ESD: variants seen among roughly 807,000 people sequenced by gnomAD.
ESD encodes esterase D.
A neutral mutation model predicts 38.1 loss-of-function variants in ESD; 34 were observed. The ratio of observed to expected loss-of-function variants is 0.89; its 90% CI spans 0.68 to 1.19. ESD has a LOEUF of 1.19. Ranked by LOEUF, ESD falls within the 50% of genes most tolerant of loss-of-function variation. The pLI is 0.00. For missense variants in ESD, 334 were observed against 327.2 expected (o/e 1.02, Z -0.16); for synonymous variants, 97 against 107.0 (o/e 0.91, Z 0.58).
chr13:46,787,120 CA>C lies in ESD; in HGVS notation c.69-12del. On this transcript the variant is annotated splice_polypyrimidine_tract_variant and intron_variant, in intron 3 of 9. Coordinates refer to ENST00000378720, the MANE Select transcript of ESD (RefSeq NM_001984.2). ...CAGTTTAGTTCAACACTAGTTTTAA[CA>C]AAAACAACAACAAAATATTAATGCC... 1 of 1,474,460 alleles carries C rather than the reference CA, an allele frequency of 6.8e-7. No individual in the cohort carries two copies. The highest frequency in any genetic ancestry group is 1.3e-5 in the South Asian group (1 of 78,010). The allele number at this position is 1,474,460 out of a possible 1,614,324, so 91.3% of individuals were successfully genotyped here.
At chr13:46,793,774 T>C (rs1047094093) in intron 1 of ESD, among the ~76,000 whole-genome samples, 1 of 152,190 alleles carries the variant, frequency 6.6e-6, no homozygotes, top group Non-Finnish European at 1.5e-5. Flanking sequence ...AAGCATGAGA[T>C]GTAGTCAACT....
intron 3 of ESD, among the ~76,000 whole-genome samples, chr13:46,789,002 G>C (rs1391555837): frequency 6.6e-6 from 1 of 152,064 alleles, no homozygotes; most frequent in African/African-American, 2.4e-5. Context: ...ACAGCTTCTG[G>C]TCATGTGACT....
chr13:46,771,421 C>A lies in ESD; in HGVS notation c.844G>T (p.Ala282Ser). 6.3e-7 allele frequency: 1 copy of A among 1,591,584 alleles called. No individual in the cohort carries two copies. The highest frequency in any genetic ancestry group is 8.6e-7 in the Non-Finnish European group (1 of 1,164,700). ...HIRHHAKYLNA is the reference protein window; with the variant it reads ...HIRHHAKYLNS ...TTCTCTTATTTGGAGTTTTTTCATGCATTCAGGTATTTAGCATGATGTCTG... is the reference window on the plus strand; with the variant it reads ...TTCTCTTATTTGGAGTTTTTTCATGAATTCAGGTATTTAGCATGATGTCTG... Residue 282 changes from alanine (A) to serine (S), a missense_variant, in exon 10 of 10, where the codon GCA becomes TCA. By Grantham distance (99) the Ala-to-Ser change is moderately conservative (BLOSUM62 1). Transcript: ENST00000378720.
chr13:46,795,790 T>A (rs1310565763), intron 1 of ESD, among the ~76,000 whole-genome samples: 3 of 151,524 alleles, frequency 2.0e-5, no homozygotes, highest in African/African-American at 4.9e-5. Flanking sequence ...TCAAACTCTG[T>A]GGCCCAGATT....
intron 9 of ESD, chr13:46,775,649 G>A (rs974390989): frequency 2.8e-5 from 13 of 470,492 alleles, no homozygotes; most frequent in African/African-American, 6.0e-5. Context: ...GAATCTCAAC[G>A]AAATCCGCTT....
At chr13:46,789,063 A>C (rs1198932760) in intron 3 of ESD, among the ~76,000 whole-genome samples, 1 of 152,158 alleles carries the variant, frequency 6.6e-6, no homozygotes, top group Non-Finnish European at 1.5e-5. Flanking sequence ...TTAATTAGCT[A>C]ATTTGATGTA....
At chr13:46,785,969 T>A (rs958127012) in intron 4 of ESD, among the ~76,000 whole-genome samples, 2 of 151,948 alleles carry the variant, frequency 1.3e-5, no homozygotes, top group African/African-American at 4.8e-5. Flanking sequence ...GTCAGAAAAC[T>A]TGTTCAACTC....
rs538411584 is a variant in ESD at position 46,773,569 on chromosome 13, G to A, written c.769-2073C>T. On this transcript the variant is annotated intron_variant, in intron 9 of 9. Transcript: ENST00000378720. ...TAGAGCTAATAAAAATATCACTGAC[G>A]CTTCAGAGAACAAGGAAATCCCCAA... 7.2e-5 allele frequency among the ~76,000 whole-genome samples: 11 copies of A among 152,294 alleles called. No homozygotes were observed. In the East Asian group the frequency reaches 1.7e-3, roughly 24 times the overall value.
chr13:46,777,307 G>T, intron 9 of ESD, 149 bp downstream of exon 9: 1 of 483,964 alleles, frequency 2.1e-6, no homozygotes, highest in Non-Finnish European at 3.5e-6. Flanking sequence ...AATTTTATAG[G>T]CAGGTTTTCA....
At chr13:46,793,991 T>C (rs1009226809) in intron 1 of ESD, among the ~76,000 whole-genome samples, 10 of 152,086 alleles carry the variant, frequency 6.6e-5, no homozygotes, top group Non-Finnish European at 1.3e-4. Context: ...GAAAAATATA[T>C]ATGGAAACTT....
intron 3 of ESD, 148 bp downstream of exon 3, chr13:46,791,198 A>ATTG: frequency 3.4e-6 from 2 of 582,068 alleles, no homozygotes; most frequent in Non-Finnish European, 6.0e-6. Context: ...GTCTGGTAGA[A>ATTG]TTGTCAAATA....
intron 4 of ESD, among the ~76,000 whole-genome samples, chr13:46,786,800 T>C (rs1223587053): frequency 1.3e-5 from 2 of 151,968 alleles, no homozygotes; most frequent in Non-Finnish European, 2.9e-5. Context: ...TTACATTCTC[T>C]GCTAAATTAC....
intron 2 of ESD, among the ~76,000 whole-genome samples, chr13:46,791,978 C>G (rs79611963): frequency 0.04 from 6,134 of 152,080 alleles, 403 homozygotes; most frequent in African/African-American, 0.14. Context: ...TGATATGAAA[C>G]TTTAAGATCA....
chr13:46,784,847 G>T (rs1459486829), intron 4 of ESD, among the ~76,000 whole-genome samples: 1 of 151,914 alleles, frequency 6.6e-6, no homozygotes, highest in Non-Finnish European at 1.5e-5. Flanking sequence ...TTTGGACCAG[G>T]AGTGTTTGGG....
rs767515215 is a variant in ESD, at chr13:46,782,798, A to T, written c.257-7T>A. 6.2e-7 allele frequency: 1 copy of T among 1,611,714 alleles called. No individual in the cohort carries two copies. Among genetic ancestry groups the T allele is most frequent in the South Asian group, 1.1e-5 (1 of 90,948 alleles). The stretch of plus-strand genomic sequence containing the variant: ...CCTTTAATATTGCAGCCACCTATCA[A>T]GAAACAATCTTGTGGTTTCATCTGC... On this transcript the variant is annotated splice_polypyrimidine_tract_variant and splice_region_variant and intron_variant, in intron 5 of 9. Coordinates refer to ENST00000378720, the MANE Select transcript of ESD (RefSeq NM_001984.2).
chr13:46,797,627 C>T (rs770488405), upstream of ESD, among the ~76,000 whole-genome samples: 1 of 152,332 alleles, frequency 6.6e-6, no homozygotes, highest in South Asian at 2.1e-4. Flanking sequence ...AAACAAGAAA[C>T]CTTTGAAATC....
chr13:46,786,985 AAACGACTT>A, intron 4 of ESD, 28 bp downstream of exon 4: 1 of 1,315,278 alleles, frequency 7.6e-7, no homozygotes, highest in Non-Finnish European at 1.0e-6. Context: ...AAGAAAATAG[AAACGACTT>A]TATAAAACTC....
intron 6 of ESD, among the ~76,000 whole-genome samples, chr13:46,782,309 A>T (rs975147246): frequency 2.6e-5 from 4 of 151,936 alleles, no homozygotes; most frequent in African/African-American, 9.6e-5. Flanking sequence ...CAGCATACAA[A>T]TATTATTAAT....
Position 46,777,505 on chromosome 13 carries a change from A to G in ESD, c.719T>C (p.Ile240Thr). 4 of 1,611,174 alleles carry G rather than the reference A, an allele frequency of 2.5e-6. No individual in the cohort carries two copies. The highest frequency in any genetic ancestry group is 3.4e-6 in the Non-Finnish European group (4 of 1,178,064). Residue 240 changes from isoleucine to threonine, a missense_variant, in exon 9 of 10, where the codon ATA (isoleucine) becomes ACA (threonine). Physicochemically the swap from Ile to Thr is moderately conservative, Grantham distance 89. Transcript: ENST00000378720. ...LDGQLLPDNF[I>T]AACTEKKIPV... ...GATTTTCTTTTCTGTACAGGCAGCT[A>G]TGAAGTTATCAGGGAGTAACTGTCC...
Sources: allele counts gnomAD v4.1 joint callset (sites outside exome capture counted in the v4.1 genomes callset), GRCh38; gene constraint gnomAD v4.1.1; transcripts MANE v1.5; gene names NCBI Gene and HGNC (gene_info 2026-07-23, HGNC 2026-07-21).